Variants in ATG10 observed in about 807,000 individuals in gnomAD.
The protein encoded by ATG10 is ubiquitin-like-conjugating enzyme ATG10.
A neutral mutation model predicts 32.1 loss-of-function variants in ATG10; 30 were observed. The ratio of observed to expected loss-of-function variants is 0.94; its 90% CI spans 0.70 to 1.27. ATG10 has a LOEUF of 1.27. Among genes scored for constraint, ATG10 ranks in the 50% most tolerant of loss-of-function variants. The probability of loss-of-function intolerance (pLI) is 0.00; values close to 1 mark genes in which losing one functional copy is unlikely to be tolerated. For synonymous variants in ATG10, 87 were observed against 91.5 expected (o/e 0.95, Z 0.28); for missense variants, 233 against 262.3 (o/e 0.89, Z 0.77).
intron 3 of ATG10, among the ~76,000 whole-genome samples, chr5:82,118,601 A>G (rs1236628415): frequency 6.6e-6 from 1 of 151,734 alleles, no homozygotes; most frequent in Admixed American, 6.6e-5. Flanking sequence ...GTGAAAAGAT[A>G]ATGGATTATA....
intron 2 of ATG10, among the ~76,000 whole-genome samples, chr5:82,041,311 T>C (rs978069906): frequency 3.9e-5 from 6 of 152,240 alleles, no homozygotes; most frequent in Non-Finnish European, 7.3e-5. Flanking sequence ...AGATTTTATG[T>C]ATCTTGCTCA....
intron 2 of ATG10, among the ~76,000 whole-genome samples, chr5:82,026,788 C>T (rs998061768): frequency 6.6e-6 from 1 of 152,106 alleles, no homozygotes; most frequent in South Asian, 2.1e-4. Flanking sequence ...GTGCTGGGTG[C>T]GGTAGCTCAC....
intron 3 of ATG10, among the ~76,000 whole-genome samples, chr5:82,131,074 G>A (rs1425942250): frequency 6.6e-6 from 1 of 152,016 alleles, no homozygotes; most frequent in Non-Finnish European, 1.5e-5. Context: ...GACTAGTAGG[G>A]GGTGGAAGGA....
At chr5:82,204,255 A>G (rs749956387) in intron 5 of ATG10, among the ~76,000 whole-genome samples, 1 of 152,258 alleles carries the variant, frequency 6.6e-6, no homozygotes. Flanking sequence ...TTATTCTTAT[A>G]CATTGATTCA....
chr5:82,136,147 C>G (rs1419139625), intron 3 of ATG10, among the ~76,000 whole-genome samples: 1 of 152,146 alleles, frequency 6.6e-6, no homozygotes, highest in East Asian at 1.9e-4. Flanking sequence ...CTCCTGAATA[C>G]AGCACACCGA....
At chr5:82,209,735 T>A (rs547924405) in intron 5 of ATG10, among the ~76,000 whole-genome samples, 2 of 152,336 alleles carry the variant, frequency 1.3e-5, no homozygotes, top group Admixed American at 1.3e-4. Flanking sequence ...TTCATTGGTT[T>A]TTGAAAATTT....
At chr5:82,152,400 G>C (rs1370624354) in intron 3 of ATG10, among the ~76,000 whole-genome samples, 1 of 152,278 alleles carries the variant, frequency 6.6e-6, no homozygotes, top group Non-Finnish European at 1.5e-5. Flanking sequence ...GAAGCGTGGA[G>C]TCCTGGGAAA....
intron 5 of ATG10, among the ~76,000 whole-genome samples, chr5:82,214,446 T>C (rs1745600500): frequency 1.3e-5 from 2 of 152,228 alleles, no homozygotes; most frequent in African/African-American, 4.8e-5. Flanking sequence ...TTACAAAAGA[T>C]TTGCAGTTGC....
intron 5 of ATG10, among the ~76,000 whole-genome samples, chr5:82,197,022 CA>C (rs1206195038): frequency 6.6e-6 from 1 of 152,158 alleles, no homozygotes; most frequent in African/African-American, 2.4e-5. Context: ...TCCAATTCAT[CA>C]ATACGGAATG....
At chr5:82,087,930 T>C (rs919982884) in intron 3 of ATG10, among the ~76,000 whole-genome samples, 1 of 152,124 alleles carries the variant, frequency 6.6e-6, no homozygotes, top group African/African-American at 2.4e-5. Context: ...TCCAAACTTA[T>C]CAAGTTGTAA....
At chr5:82,131,072 G>A (rs1766499662) in intron 3 of ATG10, among the ~76,000 whole-genome samples, 1 of 152,080 alleles carries the variant, frequency 6.6e-6, no homozygotes, top group Admixed American at 6.5e-5. Context: ...TGGACTAGTA[G>A]GGGGTGGAAG....
intron 1 of ATG10, among the ~76,000 whole-genome samples, chr5:81,981,734 A>G (rs1761052979): frequency 6.6e-6 from 1 of 152,364 alleles, no homozygotes; most frequent in Admixed American, 6.5e-5. Context: ...ACTTTGATGT[A>G]CATTGATTTA....
intron 5 of ATG10, among the ~76,000 whole-genome samples, chr5:82,194,396 G>C (rs530561112): frequency 6.6e-6 from 1 of 152,254 alleles, no homozygotes; most frequent in East Asian, 1.9e-4. Context: ...TTGAAAGATT[G>C]TCAAGTTAAA....
chr5:81,997,508 G>A (rs1761703645), intron 2 of ATG10, among the ~76,000 whole-genome samples: 1 of 152,170 alleles, frequency 6.6e-6, no homozygotes, highest in South Asian at 2.1e-4. Context: ...CCAAACAACT[G>A]CACTAGTTCC....
At chr5:82,209,391 GAGA>G (rs1745414365) in intron 5 of ATG10, among the ~76,000 whole-genome samples, 1 of 152,136 alleles carries the variant, frequency 6.6e-6, no homozygotes, top group South Asian at 2.1e-4. Context: ...TAGATCATGA[GAGA>G]AGAGCCTTCA....
chr5:82,146,387 A>G (rs925172872), intron 3 of ATG10, among the ~76,000 whole-genome samples: 1 of 151,912 alleles, frequency 6.6e-6, no homozygotes, highest in African/African-American at 2.4e-5. Flanking sequence ...TTTGATTATG[A>G]TGTGTATAGG....
At chr5:81,975,894 A>T (rs1010204927) in intron 1 of ATG10, among the ~76,000 whole-genome samples, 5 of 152,026 alleles carry the variant, frequency 3.3e-5, no homozygotes, top group Non-Finnish European at 7.4e-5. Context: ...AAATAAAGAG[A>T]ATCAAGATCA....
chr5:82,225,361 C>T (rs1436266424), intron 5 of ATG10, among the ~76,000 whole-genome samples: 1 of 152,182 alleles, frequency 6.6e-6, no homozygotes, highest in Non-Finnish European at 1.5e-5. Flanking sequence ...CACATATTTG[C>T]TTTCGATCAT....
chr5:82,215,878 T>C (rs1269840328), intron 5 of ATG10, among the ~76,000 whole-genome samples: 1 of 150,622 alleles, frequency 6.6e-6, no homozygotes, highest in African/African-American at 2.5e-5. Context: ...AAGGTTGCAG[T>C]GAGCTGAGAT....
Sources: gnomAD v4.1 joint callset for allele counts (sites outside exome capture counted in the v4.1 genomes callset) on GRCh38, gnomAD v4.1.1 for gene constraint, MANE v1.5 for transcripts, NCBI Gene and HGNC (gene_info 2026-07-23, HGNC 2026-07-21) for gene names.